Variants in SLAMF1 observed in about 807,000 individuals in gnomAD.
SLAMF1 encodes signaling lymphocytic activation molecule family member 1, also known as signaling lymphocytic activation molecule.
Under a neutral mutation model 35.1 loss-of-function variants are expected in SLAMF1, and 18 were observed. That is an observed-to-expected ratio of 0.51 (90% CI 0.35 to 0.76). The LOEUF is 0.76. SLAMF1 is among the 30% of genes least tolerant of loss of function. SLAMF1 has a pLI of 0.01. For synonymous variants in SLAMF1, 168 were observed against 157.2 expected (o/e 1.07, Z -0.51); for missense variants, 392 against 413.0 (o/e 0.95, Z 0.44).
chr1:160,639,620 A>G (rs1463042849), intron 1 of SLAMF1, among the ~76,000 whole-genome samples: 2 of 151,902 alleles, frequency 1.3e-5, no homozygotes, highest in Non-Finnish European at 2.9e-5. Flanking sequence ...CATTTCCACC[A>G]CCATCATCCC....
chr1:160,637,172 G>A lies in SLAMF1; in HGVS notation c.415+19C>T, dbSNP rs774517335. ...CACCTTGGCCCTTTAGTGTGGACTG[G>A]GGAAGCCGCCATTATTACCATAAAG... On this transcript the variant is annotated intron_variant, in intron 2 of 6. Coordinates refer to ENST00000302035, the MANE Select transcript of SLAMF1 (RefSeq NM_003037.5). 1 of 1,590,954 alleles carries A rather than the reference G, an allele frequency of 6.3e-7. No homozygotes were observed. Among genetic ancestry groups the A allele is most frequent in the Non-Finnish European group, 8.6e-7 (1 of 1,159,062 alleles).
intron 3 of SLAMF1, among the ~76,000 whole-genome samples, chr1:160,628,157 G>A (rs1659981101): frequency 6.6e-6 from 1 of 152,152 alleles, no homozygotes; most frequent in Admixed American, 6.5e-5. Context: ...CAGGATGAGA[G>A]CGGACTAATA....
intron 1 of SLAMF1, among the ~76,000 whole-genome samples, chr1:160,645,098 C>T (rs559162923): frequency 5.9e-5 from 9 of 152,234 alleles, no homozygotes; most frequent in South Asian, 2.1e-4. Context: ...CAAATCTCAT[C>T]GGGGGAAATG....
chr1:160,639,545 A>G (rs1660633510), intron 1 of SLAMF1, among the ~76,000 whole-genome samples: 1 of 152,062 alleles, frequency 6.6e-6, no homozygotes, highest in South Asian at 2.1e-4. Flanking sequence ...CACTCATTTT[A>G]ACAGCAAATC....
intron 2 of SLAMF1, chr1:160,636,912 A>G (rs999697997): frequency 9.3e-6 from 4 of 430,606 alleles, no homozygotes; most frequent in African/African-American, 4.0e-5. Flanking sequence ...CCTTGGGTCT[A>G]TCGGCCCTCC....
intron 1 of SLAMF1, among the ~76,000 whole-genome samples, chr1:160,640,359 T>TATATATATACATAC (rs1361053277): frequency 8.2e-6 from 1 of 122,474 alleles, no homozygotes; most frequent in African/African-American, 3.3e-5. Context: ...TATATATATA[T>TATATATATACATAC]ACACACACAC....
intron 5 of SLAMF1, among the ~76,000 whole-genome samples, chr1:160,614,895 C>A (rs947826178): frequency 6.6e-6 from 1 of 152,048 alleles, no homozygotes; most frequent in African/African-American, 2.4e-5. Context: ...CTGATTTGTA[C>A]ATCTTTAGGG....
chr1:160,640,423 T>TATATATATCTG (rs1660691889), intron 1 of SLAMF1, among the ~76,000 whole-genome samples: 1 of 149,340 alleles, frequency 6.7e-6, no homozygotes, highest in Non-Finnish European at 1.5e-5. Flanking sequence ...CATACACATA[T>TATATATATCTG]ATATATATCT....
At position 160,610,704 on chromosome 1, in the gene SLAMF1, TTTTTCCA is replaced by T. The variant is rs891853203; in HGVS notation, c.*37_*43del. The T allele has an allele frequency of 6.6e-7, 1 of 1,525,070 alleles. No individual in the cohort carries two copies. Among genetic ancestry groups the T allele is most frequent in the Non-Finnish European group, 9.1e-7 (1 of 1,099,644 alleles). 94.5% of individuals were successfully genotyped at this position (1,525,070 alleles called of 1,614,324 possible). On this transcript the variant is annotated 3_prime_UTR_variant, in exon 7 of 7. Transcript: ENST00000302035. ...TGGCCAAGTTCAGTGTTCATTTTGG[TTTTTCCA>T]TTTTCCTTCAGAAAGTCCCTTTGTT...
Position 160,608,403 on chromosome 1 carries a change from T to C in SLAMF1, c.*2345A>G, listed in dbSNP as rs1286793586. 2 of 152,014 alleles carry C rather than the reference T, an allele frequency of 1.3e-5. No individual in the cohort carries two copies. Among genetic ancestry groups the C allele is most frequent in the South Asian group, 2.1e-4 (1 of 4,822 alleles). 9.4% of individuals were successfully genotyped at this position (152,014 alleles called of 1,614,324 possible). A position where few individuals can be genotyped will look rare whatever the true frequency, so the allele number is the denominator to read the frequency against. On this transcript the variant is annotated 3_prime_UTR_variant, in exon 7 of 7. Transcript: ENST00000302035. ...AGAGGGGAAACACGGGGAAAACTTA[T>C]TGTTTTAAGTCTGAGGAAAAGGCAA...
intron 1 of SLAMF1, among the ~76,000 whole-genome samples, chr1:160,639,223 A>G (rs1029239350): frequency 6.6e-6 from 1 of 151,596 alleles, no homozygotes; most frequent in Non-Finnish European, 1.5e-5. Context: ...CATACTCCAA[A>G]CTCAATTTTT....
chr1:160,645,853 G>A lies in SLAMF1; in HGVS notation c.76+1017C>T, dbSNP rs533085937. ...CACCCCCACATCCCTGGCATATCAC[G>A]GTGCTTTTCCTGGAAAAGTCCATAT... On this transcript the variant is annotated intron_variant, in intron 1 of 6. Transcript: ENST00000302035. Among the ~76,000 whole-genome samples the A allele has an allele frequency of 4.6e-5, 7 of 151,990 alleles. No individual in the cohort carries two copies. In the South Asian group the frequency reaches 1.2e-3, roughly 27 times the overall value.
chr1:160,614,966 C>T (rs1489406149), intron 5 of SLAMF1, among the ~76,000 whole-genome samples: 2 of 152,118 alleles, frequency 1.3e-5, no homozygotes, highest in African/African-American at 4.8e-5. Flanking sequence ...GAATGGTGGC[C>T]GCTGGAATTA....
intron 1 of SLAMF1, among the ~76,000 whole-genome samples, chr1:160,641,544 G>A (rs981503278): frequency 3.9e-5 from 6 of 152,184 alleles, no homozygotes; most frequent in African/African-American, 1.4e-4. Context: ...GGGTAGATGA[G>A]AGAGGCTGAG....
intron 4 of SLAMF1, among the ~76,000 whole-genome samples, chr1:160,620,591 A>T (rs1310071298): frequency 6.6e-6 from 1 of 152,236 alleles, no homozygotes; most frequent in Non-Finnish European, 1.5e-5. Context: ...GAAGAAATAT[A>T]TAAAGTATAA....
intron 4 of SLAMF1, 85 bp downstream of exon 4, chr1:160,624,011 T>G: frequency 2.4e-5 from 22 of 931,654 alleles, no homozygotes; most frequent in East Asian, 2.6e-5. Flanking sequence ...GCCAGAGTTG[T>G]GAGAGCAAGT....
intron 3 of SLAMF1, among the ~76,000 whole-genome samples, chr1:160,626,323 G>A (rs1214525308): frequency 6.6e-6 from 1 of 152,142 alleles, no homozygotes; most frequent in East Asian, 1.9e-4. Flanking sequence ...AACGATGACT[G>A]GGTGCAGCAC....
intron 3 of SLAMF1, among the ~76,000 whole-genome samples, chr1:160,629,055 A>G (rs1416432454): frequency 6.6e-6 from 1 of 152,118 alleles, no homozygotes; most frequent in Non-Finnish European, 1.5e-5. Context: ...CTACCTGAAC[A>G]TTTCTGAACC....
chr1:160,620,802 A>T (rs530412353), intron 4 of SLAMF1, among the ~76,000 whole-genome samples: 2 of 152,342 alleles, frequency 1.3e-5, no homozygotes, highest in Non-Finnish European at 2.9e-5. Flanking sequence ...TGCAGTGTCT[A>T]ATACAGCTTA....
Sources: allele counts gnomAD v4.1 joint callset (sites outside exome capture counted in the v4.1 genomes callset), GRCh38; gene constraint gnomAD v4.1.1; transcripts MANE v1.5; gene names NCBI Gene and HGNC (gene_info 2026-07-23, HGNC 2026-07-21).